Variants in RFX3 observed in about 807,000 individuals in gnomAD.
RFX3 encodes the protein regulatory factor X3.
Under a neutral mutation model 98.6 loss-of-function variants are expected in RFX3, and 14 were observed. The observed-to-expected ratio is 0.14, with a 90% confidence interval of 0.09 to 0.22. RFX3 has a LOEUF of 0.22. Among genes scored for constraint, RFX3 ranks in the 10% least tolerant of loss-of-function variants. RFX3 has a pLI of 1.00. For missense variants in RFX3, 639 were observed against 926.9 expected, an observed-to-expected ratio of 0.69 and a Z score of 4.03; for synonymous variants, 383 against 328.4, an observed-to-expected ratio of 1.17 and a Z score of -1.80.
intron 14 of RFX3, among the ~76,000 whole-genome samples, chr9:3,254,522 C>T (rs968463130): frequency 2.6e-5 from 4 of 151,736 alleles, no homozygotes; most frequent in African/African-American, 9.7e-5. Context: ...TGTTGGGCAA[C>T]TGGGAAAATA....
chr9:3,390,213 T>A (rs1339005375), intron 2 of RFX3, among the ~76,000 whole-genome samples: 1 of 152,046 alleles, frequency 6.6e-6, no homozygotes, highest in African/African-American at 2.4e-5. Flanking sequence ...CTGTGGTAGG[T>A]GATTGAATCA....
intron 3 of RFX3, among the ~76,000 whole-genome samples, chr9:3,333,904 C>CT (rs1224119903): frequency 2.0e-5 from 3 of 152,084 alleles, no homozygotes; most frequent in Admixed American, 1.3e-4. Context: ...ATTCTATGTG[C>CT]TTTTTAGGCA....
At chr9:3,326,523 C>T (rs545987674) in intron 4 of RFX3, among the ~76,000 whole-genome samples, 1 of 152,244 alleles carries the variant, frequency 6.6e-6, no homozygotes, top group South Asian at 2.1e-4. Flanking sequence ...GTGTGCTGTT[C>T]CCCTCTATGT....
chr9:3,324,457 C>T (rs1188014133), intron 4 of RFX3, among the ~76,000 whole-genome samples: 1 of 151,630 alleles, frequency 6.6e-6, no homozygotes, highest in Non-Finnish European at 1.5e-5. Context: ...GGCAATTCAG[C>T]TCCTTCTAAT....
At chr9:3,378,342 G>T (rs1176668001) in intron 2 of RFX3, among the ~76,000 whole-genome samples, 1 of 152,026 alleles carries the variant, frequency 6.6e-6, no homozygotes, top group Non-Finnish European at 1.5e-5. Context: ...TCAATATTAT[G>T]AAGTTAGTTT....
intron 1 of RFX3, among the ~76,000 whole-genome samples, chr9:3,413,018 C>A (rs1314844191): frequency 2.0e-5 from 3 of 151,896 alleles, no homozygotes; most frequent in Non-Finnish European, 4.4e-5. Flanking sequence ...TAAAGCACAG[C>A]CTTTAATATA....
intron 2 of RFX3, among the ~76,000 whole-genome samples, chr9:3,385,483 G>C (rs190454103): frequency 3.0e-4 from 45 of 152,088 alleles, no homozygotes; most frequent in African/African-American, 1.1e-3. Context: ...GGCTGAGACG[G>C]GTAGATCACC....
rs558088106 is a variant in RFX3 at position 3,466,938 on chromosome 9, G to C, written c.-9+58809C>G. Among the ~76,000 whole-genome samples the C allele has an allele frequency of 4.7e-5, 7 of 150,010 alleles. No individual in the cohort carries two copies. The South Asian group carries it at 1.5e-3, about 31-fold the overall frequency. On this transcript the variant is annotated intron_variant, in intron 1 of 16. Transcript: ENST00000617270. ...GACACCACCCTCTATCCAACCCCCG[G>C]AGGTATTCATATGCATAAAGCCCAA...
chr9:3,483,273 C>T (rs928493697), intron 1 of RFX3, among the ~76,000 whole-genome samples: 1 of 152,034 alleles, frequency 6.6e-6, no homozygotes, highest in Non-Finnish European at 1.5e-5. Flanking sequence ...GATTCTAATG[C>T]CATTTTGGCC....
chr9:3,437,832 G>A (rs1845282558), intron 1 of RFX3, among the ~76,000 whole-genome samples: 1 of 151,812 alleles, frequency 6.6e-6, no homozygotes, highest in East Asian at 1.9e-4. Context: ...CATGTCAGAT[G>A]GCATATTAAA....
chr9:3,341,401 T>C (rs1833875549), intron 3 of RFX3, among the ~76,000 whole-genome samples: 1 of 141,552 alleles, frequency 7.1e-6, no homozygotes, highest in Non-Finnish European at 1.5e-5. Flanking sequence ...ACTTAAAGTA[T>C]AATAATAATA....
intron 15 of RFX3, chr9:3,247,572 A>C (rs1820842463): frequency 1.6e-6 from 2 of 1,213,122 alleles, no homozygotes. Flanking sequence ...AAGTGTCCAA[A>C]AAATGTTAGT....
intron 7 of RFX3, among the ~76,000 whole-genome samples, chr9:3,283,547 G>C (rs1369469567): frequency 6.6e-6 from 1 of 151,612 alleles, no homozygotes; most frequent in Non-Finnish European, 1.5e-5. Flanking sequence ...ATTAAGAAAG[G>C]CCATCTAATG....
rs143660347 is a variant in RFX3, at chr9:3,313,068, C to A, written c.475-11448G>T. 6.1e-3 allele frequency among the ~76,000 whole-genome samples: 927 copies of A among 152,318 alleles called. 2 individuals are homozygous for A. Among genetic ancestry groups the A allele is most frequent in the Non-Finnish European group, 9.9e-3 (671 of 68,022 alleles). On this transcript the variant is annotated intron_variant, in intron 4 of 16. Transcript: ENST00000617270. ...TCTAAGAACGGACAGATTGCCTCCT[C>A]AAGTGGGTCCCTGACCACCAAGTAG...
In RFX3 at chr9:3,275,750, T is replaced by C. The variant is rs1014806107; in HGVS notation, c.974-138A>G. 18 of 530,902 alleles carry C rather than the reference T, an allele frequency of 3.4e-5. No individual in the cohort carries two copies. The South Asian group carries it at 4.6e-4, about 14-fold the overall frequency. 32.9% of individuals were successfully genotyped at this position (530,902 alleles called of 1,614,324 possible). ...GTCCAGAGAGCAAGGACATTTTATATTAATATTTTACAAGTAAAACTAAGC... is the reference window on the plus strand; with the variant it reads ...GTCCAGAGAGCAAGGACATTTTATACTAATATTTTACAAGTAAAACTAAGC... On this transcript the variant is annotated intron_variant, in intron 8 of 16. Coordinates refer to ENST00000617270, the MANE Select transcript of RFX3 (RefSeq NM_001282116.2).
At chr9:3,353,661 C>A (rs1414489454) in intron 2 of RFX3, among the ~76,000 whole-genome samples, 2 of 151,962 alleles carry the variant, frequency 1.3e-5, no homozygotes, top group Admixed American at 6.6e-5. Flanking sequence ...AAAAACAAGC[C>A]TTGACAATAT....
At chr9:3,288,316 G>T in intron 6 of RFX3, 66 bp from the exon 7 acceptor site, 1 of 1,488,242 alleles carries the variant, frequency 6.7e-7, no homozygotes, top group Non-Finnish European at 9.3e-7. Context: ...CACATGGGAT[G>T]TCCATTAAAC....
chr9:3,422,582 G>T (rs928918637), intron 1 of RFX3, among the ~76,000 whole-genome samples: 66 of 152,150 alleles, frequency 4.3e-4, no homozygotes, highest in Non-Finnish European at 4.1e-4. Context: ...GTGATTTACA[G>T]ATCAAATTCA....
At chr9:3,432,154 G>A (rs748803379) in intron 1 of RFX3, among the ~76,000 whole-genome samples, 2 of 152,142 alleles carry the variant, frequency 1.3e-5, no homozygotes, top group East Asian at 3.9e-4. Flanking sequence ...CTTTGTTCCT[G>A]AAGTCAAGAA....
Sources: gnomAD v4.1 joint callset for allele counts (sites outside exome capture counted in the v4.1 genomes callset) on GRCh38, gnomAD v4.1.1 for gene constraint, MANE v1.5 for transcripts, NCBI Gene and HGNC (gene_info 2026-07-23, HGNC 2026-07-21) for gene names.